CCDC24: variants seen among roughly 807,000 people sequenced by gnomAD.
CCDC24 encodes the protein coiled-coil domain containing 24.
CCDC24 carries 34 observed loss-of-function variants against 31.6 expected under a neutral mutation model. That is an observed-to-expected ratio of 1.08 (90% CI 0.82 to 1.43). The LOEUF is 1.43. CCDC24 is among the 40% of genes most tolerant of loss of function. The pLI, the probability that CCDC24 is intolerant of heterozygous loss-of-function variation, is 0.00. For synonymous variants in CCDC24, 175 were observed against 157.3 expected (o/e 1.11, Z -0.84); for missense variants, 426 against 391.1 (o/e 1.09, Z -0.75).
At position 43,993,081 on chromosome 1, in the gene CCDC24, G is replaced by C. The variant is rs575745785; in HGVS notation, c.419+442G>C. ...GAGATAAAATATTCATAAGTGGATGGCAGCAACTTCTTATTCTAATCCTCA... is the reference window on the plus strand; with the variant it reads ...GAGATAAAATATTCATAAGTGGATGCCAGCAACTTCTTATTCTAATCCTCA... On this transcript the variant is annotated intron_variant, in intron 4 of 8. Coordinates refer to ENST00000372318, the MANE Select transcript of CCDC24 (RefSeq NM_152499.4). Among the ~76,000 whole-genome samples, 12 of 152,314 alleles carry C rather than the reference G, an allele frequency of 7.9e-5. 1 individual carries two copies. In the South Asian group the frequency reaches 2.5e-3, roughly 32 times the overall value.
Position 43,995,060 on chromosome 1 carries a change from C to A in CCDC24, c.498-48C>A. 2 of 1,539,510 alleles carry A rather than the reference C, an allele frequency of 1.3e-6. No individual in the cohort carries two copies. Among genetic ancestry groups the A allele is most frequent in the African/African-American group, 1.4e-5 (1 of 72,992 alleles). The stretch of plus-strand genomic sequence containing the variant: ...GGGCCATGTGGTGGACTCAGCTGAG[C>A]CCTGGTCCTGTGTCTCGGGTTCTGG... On this transcript the variant is annotated intron_variant, in intron 5 of 8. Coordinates refer to ENST00000372318, the MANE Select transcript of CCDC24 (RefSeq NM_152499.4). This position sits in a 1 kb window ranked among gnomAD's most constrained non-coding sequence, Gnocchi z 4.3.
Position 43,991,691 on chromosome 1 carries a change from G to T in CCDC24, c.-88G>T. The T allele has an allele frequency of 1.3e-6, 1 of 794,774 alleles. No homozygotes were observed. The allele number at this position is 794,774 out of a possible 1,614,324, so 49.2% of individuals were successfully genotyped here. A position where few individuals can be genotyped will look rare whatever the true frequency, so the allele number is the denominator to read the frequency against. On this transcript the variant is annotated 5_prime_UTR_variant, in exon 1 of 9. Coordinates refer to ENST00000372318, the MANE Select transcript of CCDC24 (RefSeq NM_152499.4). ...AAGCCGGGCAGAAGAGAGCGCCAAG[G>T]ACTGGCAGTTCCGGAACGGGCAATC...
In CCDC24 at chr1:43,993,992, A is replaced by T. The variant is rs558350365; in HGVS notation, c.497+28A>T. On this transcript the variant is annotated intron_variant, in intron 5 of 8. Transcript: ENST00000372318. Reference sequence around the variant, plus strand: ...GAGGCCCAGGGGCACCTGCATGTGTATAGGCAGGGGTGGAGACAAGGATGG... The same window carrying T: ...GAGGCCCAGGGGCACCTGCATGTGTTTAGGCAGGGGTGGAGACAAGGATGG... The T allele has an allele frequency of 6.9e-6, 11 of 1,594,804 alleles. No homozygotes were observed. The South Asian group carries it at 1.2e-4, about 18-fold the overall frequency.
At chr1:43,992,742 C>T in intron 4 of CCDC24, 103 bp downstream of exon 4, 1 of 1,015,810 alleles carries the variant, frequency 9.8e-7, no homozygotes, top group Non-Finnish European at 1.5e-6. Context: ...CAGTCACGGG[C>T]TGGGCACTTC....
intron 5 of CCDC24, chr1:43,994,191 A>AAT (rs2085790432): frequency 2.0e-6 from 1 of 505,964 alleles, no homozygotes; most frequent in African/African-American, 1.9e-5. Context: ...CATGCCTATA[A>AAT]TCCCAGCAAT....
rs547430373 is a variant in CCDC24 at position 43,996,352 on chromosome 1, G to A, written c.*192G>A. On this transcript the variant is annotated 3_prime_UTR_variant, in exon 9 of 9. Transcript: ENST00000372318. ...CCCTGGTGTCTGGAGCTGAGTGGCCGGGCATCGGTCCCAAGCATCAAAGCC... is the reference window on the plus strand; with the variant it reads ...CCCTGGTGTCTGGAGCTGAGTGGCCAGGCATCGGTCCCAAGCATCAAAGCC... The A allele has an allele frequency of 1.0e-3, 571 of 569,616 alleles. 1 individual carries two copies. Among genetic ancestry groups the A allele is most frequent in the Non-Finnish European group, 1.4e-3 (444 of 328,112 alleles). The allele number at this position is 569,616 out of a possible 1,614,324, so 35.3% of individuals were successfully genotyped here.
chr1:43,993,826 T>C (rs2085784919), intron 4 of CCDC24, 61 bp from the exon 5 acceptor site: 1 of 1,475,700 alleles, frequency 6.8e-7, no homozygotes, highest in African/African-American at 1.4e-5. Context: ...AGAAGTGATA[T>C]TTGGGTCCTG....
At chr1:43,994,075 C>T in intron 5 of CCDC24, 111 bp downstream of exon 5, 1 of 951,680 alleles carries the variant, frequency 1.1e-6, no homozygotes, top group South Asian at 1.4e-5. Flanking sequence ...GCGGGGAGGC[C>T]CATGTGCGTA....
chr1:43,992,453 A>G, intron 3 of CCDC24, 66 bp downstream of exon 3: 1 of 1,612,244 alleles, frequency 6.2e-7, no homozygotes, highest in South Asian at 1.1e-5. Flanking sequence ...CCTAACAAGG[A>G]GCCAGGGTTG....
In CCDC24 at chr1:43,992,523, G is replaced by C. The variant is rs549535510; in HGVS notation, c.303G>C (p.Arg101Ser). 4 of 1,614,192 alleles carry C rather than the reference G, an allele frequency of 2.5e-6. No individual in the cohort carries two copies. In the South Asian group the frequency reaches 4.4e-5, roughly 18 times the overall value. The change falls in exon 4 of 9, where the codon AGG (arginine) becomes AGC (serine). Residue 101 changes from arginine (R) to serine (S), a missense_variant and splice_region_variant. Coordinates refer to ENST00000372318, the MANE Select transcript of CCDC24 (RefSeq NM_152499.4). ...CTTCCTTCCTGTGCACCTTCTGCAG[G>C]GACCAGGCCCAAGCTTGGGTCCAGT... ...GLRHKAICEG[R>S]DQAQAWVQYS...
At chr1:43,994,163 C>T (rs1043909426) in intron 5 of CCDC24, 199 bp downstream of exon 5, 31 of 570,580 alleles carry the variant, frequency 5.4e-5, no homozygotes, top group East Asian at 2.0e-4. Context: ...ACAGATGCCA[C>T]GGCCGAGCAT....
rs2085751529 is a variant in CCDC24, at chr1:43,991,939, C to A, written c.61C>A (p.Arg21=). ...LVEEHVPLRE[R]REVKRILGEA... ...GGAGGAGCACGTTCCGCTCCGGGAGCGACGCGAAGTGAAGAGGATTCTGGG... is the reference window on the plus strand; with the variant it reads ...GGAGGAGCACGTTCCGCTCCGGGAGAGACGCGAAGTGAAGAGGATTCTGGG... Residue 21 remains arginine (R), a synonymous_variant, in exon 2 of 9, where the codon CGA becomes AGA. Transcript: ENST00000372318. 1.3e-6 allele frequency: 2 copies of A among 1,541,224 alleles called. No individual in the cohort carries two copies. The highest frequency in any genetic ancestry group is 1.4e-5 in the African/African-American group (1 of 72,900).
rs371910897 is a variant in CCDC24 at position 43,992,481 on chromosome 1, A to G, written c.303-42A>G. The G allele has an allele frequency of 3.7e-6, 6 of 1,613,236 alleles. No individual in the cohort carries two copies. The African/African-American group carries it at 8.0e-5, about 22-fold the overall frequency. On this transcript the variant is annotated intron_variant, in intron 3 of 8. Transcript: ENST00000372318. ...CAGGGTTGCCTTTTCTGTGGTTTCC[A>G]GAAAGGAGCCTCTCAGCTTCCTTCC...
Position 43,995,406 on chromosome 1 carries a change from C to A in CCDC24, c.553-195C>A. On this transcript the variant is annotated intron_variant, in intron 6 of 8. Coordinates refer to ENST00000372318, the MANE Select transcript of CCDC24 (RefSeq NM_152499.4). This position sits in a 1 kb window ranked among gnomAD's most constrained non-coding sequence, Gnocchi z 4.3. ...TTTTGCCTCCTTCCTTTACCTAAGT[C>A]TGGGTACAGGCCCCACCACTATCTT... 2 of 713,892 alleles carry A rather than the reference C, an allele frequency of 2.8e-6. No individual in the cohort carries two copies. The highest frequency in any genetic ancestry group is 4.6e-6 in the Non-Finnish European group (2 of 438,680). The allele number at this position is 713,892 out of a possible 1,614,324, so 44.2% of individuals were successfully genotyped here. A position where few individuals can be genotyped will look rare whatever the true frequency, so the allele number is the denominator to read the frequency against.
At chr1:43,993,842 C>T in intron 4 of CCDC24, 45 bp from the exon 5 acceptor site, 1 of 1,589,364 alleles carries the variant, frequency 6.3e-7, no homozygotes, top group Non-Finnish European at 8.6e-7. Context: ...TCCTGAAGGC[C>T]TGGGGTGAGC....
In CCDC24 at chr1:43,992,222, T is replaced by G; in HGVS notation, c.137T>G (p.Leu46Ter). The stretch of plus-strand genomic sequence containing the variant: ...CAGCTCTCCTTGCAGGTGGCGATGT[T>G]ACGGGCACTGCTCCAAGAGGCTCGA... ...SLELRAEVAM[L>*]RALLQEARSS... The change falls in exon 3 of 9, where the codon TTA (leucine) becomes TGA (stop). Residue 46 changes from leucine (L) to a stop codon, truncating the protein, a stop_gained. Transcript: ENST00000372318. LOFTEE classifies it high-confidence loss of function. 6.2e-7 allele frequency: 1 copy of G among 1,612,934 alleles called. No individual in the cohort carries two copies. Among genetic ancestry groups the G allele is most frequent in the Non-Finnish European group, 8.5e-7 (1 of 1,179,336 alleles).
chr1:43,995,038 C>A lies in CCDC24; in HGVS notation c.498-70C>A. On this transcript the variant is annotated intron_variant, in intron 5 of 8. Coordinates refer to ENST00000372318, the MANE Select transcript of CCDC24 (RefSeq NM_152499.4). This position sits in a 1 kb window ranked among gnomAD's most constrained non-coding sequence, Gnocchi z 4.3. ...CTCCTGCTGAGGCTGGAGGTTGGGG[C>A]CATGTGGTGGACTCAGCTGAGCCCT... 7.0e-7 allele frequency: 1 copy of A among 1,432,120 alleles called. No homozygotes were observed. Among genetic ancestry groups the A allele is most frequent in the Non-Finnish European group, 9.6e-7 (1 of 1,041,224 alleles). 88.7% of individuals were successfully genotyped at this position (1,432,120 alleles called of 1,614,324 possible).
At position 43,992,368 on chromosome 1, in the gene CCDC24, A is replaced by G; in HGVS notation, c.283A>G (p.Lys95Glu). 1 of 1,614,164 alleles carries G rather than the reference A, an allele frequency of 6.2e-7. No individual in the cohort carries two copies. Among genetic ancestry groups the G allele is most frequent in the East Asian group, 2.2e-5 (1 of 44,872 alleles). ...GCAGTTGCTCCAGGGTCTCCGCCAC[A>G]AAGCCATCTGTGAGGGCAGGTGGGA... is the stretch of plus-strand genomic sequence containing the variant. Reference protein sequence around the residue: ...LRQLLQGLRHKAICEGRDQAQ... With the variant: ...LRQLLQGLRHEAICEGRDQAQ... Residue 95 changes from lysine to glutamate, a missense_variant, in exon 3 of 9, where the codon AAA becomes GAA. Lys to Glu is a moderately conservative substitution (Grantham distance 56). Coordinates refer to ENST00000372318, the MANE Select transcript of CCDC24 (RefSeq NM_152499.4).
intron 2 of CCDC24, 62 bp downstream of exon 2, chr1:43,992,066 C>T (rs1279542929): frequency 1.6e-6 from 2 of 1,269,468 alleles, no homozygotes; most frequent in East Asian, 5.7e-5. Context: ...GATTTCCCAC[C>T]TCTGCGGGTC....
Sources: allele counts gnomAD v4.1 joint callset (sites outside exome capture counted in the v4.1 genomes callset), GRCh38; gene constraint gnomAD v4.1.1; non-coding constraint Gnocchi (gnomAD v3.1); transcripts MANE v1.5; gene names NCBI Gene and HGNC (gene_info 2026-07-23, HGNC 2026-07-21).